PIK3CB: variants seen among roughly 807,000 people sequenced by gnomAD.
The protein encoded by PIK3CB is phosphatidylinositol 4,5-bisphosphate 3-kinase catalytic subunit beta isoform.
PIK3CB carries 39 observed loss-of-function variants against 136.8 expected under a neutral mutation model. The ratio of observed to expected loss-of-function variants is 0.29; its 90% CI spans 0.22 to 0.37. PIK3CB has a LOEUF of 0.37. PIK3CB is among the 10% of genes least tolerant of loss of function. The pLI, the probability that PIK3CB is intolerant of heterozygous loss-of-function variation, is 1.00. For missense variants in PIK3CB, 868 were observed against 1,275.4 expected (o/e 0.68, Z 4.87); for synonymous variants, 428 against 436.6 (o/e 0.98, Z 0.25).
intron 1 of PIK3CB, among the ~76,000 whole-genome samples, chr3:138,808,620 G>GT (rs1382887509): frequency 6.6e-6 from 1 of 151,678 alleles, no homozygotes; most frequent in Admixed American, 6.6e-5. Flanking sequence ...GGAGGCAGAG[G>GT]TAACAGTAAG....
At chr3:138,684,523 T>G in intron 17 of PIK3CB, 102 bp downstream of exon 17, 1 of 745,416 alleles carries the variant, frequency 1.3e-6, no homozygotes, top group Non-Finnish European at 2.0e-6. Flanking sequence ...TTAATTATAT[T>G]CTACTTCCTG....
intron 1 of PIK3CB, among the ~76,000 whole-genome samples, chr3:138,797,396 A>T (rs538363126): frequency 6.6e-6 from 1 of 152,146 alleles, no homozygotes; most frequent in African/African-American, 2.4e-5. Context: ...GGACCATCTA[A>T]ATGAGGGGTC....
At chr3:138,756,682 C>A (rs1407745871) in intron 3 of PIK3CB, among the ~76,000 whole-genome samples, 1 of 152,018 alleles carries the variant, frequency 6.6e-6, no homozygotes, top group Non-Finnish European at 1.5e-5. Flanking sequence ...AAATAACAGA[C>A]CTGAGTTAAA....
At chr3:138,764,043 G>A (rs1377379151) in intron 2 of PIK3CB, among the ~76,000 whole-genome samples, 10 of 151,542 alleles carry the variant, frequency 6.6e-5, no homozygotes, top group Non-Finnish European at 1.0e-4. Context: ...CTCGGGAGGC[G>A]GAGGTTGCAG....
chr3:138,722,216 TAAGA>T (rs2044741504), intron 8 of PIK3CB, among the ~76,000 whole-genome samples: 1 of 78,226 alleles, frequency 1.3e-5, no homozygotes, highest in Non-Finnish European at 2.4e-5. Context: ...ATGTGCTATG[TAAGA>T]GACACACACA....
At chr3:138,825,485 T>C (rs557409931) in intron 1 of PIK3CB, 89 of 701,570 alleles carry the variant, frequency 1.3e-4, no homozygotes, top group African/African-American at 1.0e-3. Flanking sequence ...ATTAAGAAAA[T>C]TGGCTACAAC....
At chr3:138,787,157 G>A (rs1204455873) in intron 2 of PIK3CB, among the ~76,000 whole-genome samples, 1 of 152,090 alleles carries the variant, frequency 6.6e-6, no homozygotes, top group African/African-American at 2.4e-5. Context: ...AAACTGGAAG[G>A]CAAGTTTAAA....
At chr3:138,808,047 T>C (rs2046253358) in intron 1 of PIK3CB, among the ~76,000 whole-genome samples, 1 of 152,158 alleles carries the variant, frequency 6.6e-6, no homozygotes, top group African/African-American at 2.4e-5. Flanking sequence ...ATTTTTATTA[T>C]ATATGTCATG....
intron 13 of PIK3CB, among the ~76,000 whole-genome samples, chr3:138,697,311 T>G (rs1261836779): frequency 6.6e-6 from 1 of 152,202 alleles, no homozygotes; most frequent in Non-Finnish European, 1.5e-5. Context: ...CAATAACTAT[T>G]CTACAGCAAT....
At chr3:138,680,081 A>C (rs868264612) in intron 19 of PIK3CB, among the ~76,000 whole-genome samples, 8 of 148,768 alleles carry the variant, frequency 5.4e-5, no homozygotes, top group Non-Finnish European at 1.1e-4. Flanking sequence ...AAGAAAAGAC[A>C]GGGGGCGGCG....
intron 6 of PIK3CB, among the ~76,000 whole-genome samples, chr3:138,737,403 A>G: frequency 6.8e-6 from 1 of 146,478 alleles, no homozygotes; most frequent in East Asian, 1.9e-4. Flanking sequence ...TCAAAAAAAA[A>G]AAAAAAAAAA....
Position 138,742,800 on chromosome 3 carries a change from G to A in PIK3CB, c.398-19C>T, listed in dbSNP as rs762740021. ...TGCAGACCTAAACACATTTTTTAAA[G>A]GTGTCATTTTCAGTAACTAACAATA... is the stretch of plus-strand genomic sequence containing the variant. On this transcript the variant is annotated intron_variant, in intron 4 of 23. Coordinates refer to ENST00000674063, the MANE Select transcript of PIK3CB (RefSeq NM_006219.3). 1.5e-6 allele frequency: 2 copies of A among 1,371,488 alleles called. No individual in the cohort carries two copies. The highest frequency in any genetic ancestry group is 2.0e-6 in the Non-Finnish European group (2 of 980,860). The allele number at this position is 1,371,488 out of a possible 1,614,324, so 85.0% of individuals were successfully genotyped here.
At chr3:138,821,287 A>C (rs1245208114) in intron 1 of PIK3CB, among the ~76,000 whole-genome samples, 2 of 149,778 alleles carry the variant, frequency 1.3e-5, no homozygotes, top group East Asian at 3.9e-4. Context: ...CGTCTCAAAA[A>C]AAAAAACAAA....
chr3:138,763,012 C>G (rs1375082966), intron 2 of PIK3CB, among the ~76,000 whole-genome samples: 1 of 152,016 alleles, frequency 6.6e-6, no homozygotes, highest in East Asian at 1.9e-4. Context: ...TGCTTATATT[C>G]AAATACCACC....
rs541480789 is a variant in PIK3CB, at chr3:138,758,980, ATCT to A, written c.171+190_171+192del. 3.8e-3 allele frequency among the ~76,000 whole-genome samples: 576 copies of A among 152,278 alleles called. 5 individuals are homozygous for A. The highest frequency in any genetic ancestry group is 0.013 in the African/African-American group (551 of 41,532). On this transcript the variant is annotated intron_variant, in intron 3 of 23. Coordinates refer to ENST00000674063, the MANE Select transcript of PIK3CB (RefSeq NM_006219.3). Reference sequence around the variant, plus strand: ...ATTTCAAAGACGAACTCAAAAGAAAATCTTCTTGACAGTTTTAATAACCCAAAC... The same window carrying A: ...ATTTCAAAGACGAACTCAAAAGAAAATCTTGACAGTTTTAATAACCCAAAC...
At chr3:138,754,861 G>C (rs995501735) in intron 4 of PIK3CB, among the ~76,000 whole-genome samples, 1 of 152,124 alleles carries the variant, frequency 6.6e-6, no homozygotes. Flanking sequence ...ATCTCCAGTG[G>C]ATTTTCTGGT....
At chr3:138,676,508 T>C (rs996997170) in intron 19 of PIK3CB, among the ~76,000 whole-genome samples, 1 of 152,244 alleles carries the variant, frequency 6.6e-6, no homozygotes, top group Non-Finnish European at 1.5e-5. Context: ...ACTCAAAAGT[T>C]GTACACAAAT....
chr3:138,822,905 TATATATATGAAATATACATGAAAC>T (rs1456046973), intron 1 of PIK3CB, among the ~76,000 whole-genome samples: 2 of 146,222 alleles, frequency 1.4e-5, no homozygotes, highest in East Asian at 3.9e-4. Flanking sequence ...ATACATGAAA[TATATATATGAAATATACATGAAAC>T]ATATATACGA....
chr3:138,734,517 A>T (rs1310106708), intron 7 of PIK3CB, 117 bp downstream of exon 7: 1 of 617,984 alleles, frequency 1.6e-6, no homozygotes, highest in Non-Finnish European at 2.6e-6. Flanking sequence ...TTTTTGGCAA[A>T]TATGTATTGG....
Sources: allele counts gnomAD v4.1 joint callset (sites outside exome capture counted in the v4.1 genomes callset), GRCh38; gene constraint gnomAD v4.1.1; transcripts MANE v1.5; gene names NCBI Gene and HGNC (gene_info 2026-07-23, HGNC 2026-07-21).